Variants in ME2 observed in about 807,000 individuals in gnomAD.
The protein encoded by ME2 is malic enzyme 2, also known as NAD-dependent malic enzyme, mitochondrial.
In ME2, 60 loss-of-function variants were observed where a neutral mutation model predicts 73.7. The observed-to-expected ratio is 0.81, with a 90% CI of 0.66 to 1.01. The LOEUF is 1.01. Among genes scored for constraint, ME2 ranks in the 50% least tolerant of loss-of-function variants. ME2 has a pLI of 0.00. For synonymous variants in ME2, 199 were observed against 236.9 expected (o/e 0.84, Z 1.47); for missense variants, 594 against 705.5 (o/e 0.84, Z 1.79).
intron 2 of ME2, among the ~76,000 whole-genome samples, chr18:50,898,366 A>G (rs1302704576): frequency 6.6e-6 from 1 of 152,234 alleles, no homozygotes; most frequent in Admixed American, 6.5e-5. Flanking sequence ...AGTGTTGTGC[A>G]ACCATCACCA....
chr18:50,912,798 C>A lies in ME2; in HGVS notation c.243-3C>A. The A allele has an allele frequency of 1.3e-6, 2 of 1,563,558 alleles. No individual in the cohort carries two copies. Among genetic ancestry groups the A allele is most frequent in the African/African-American group, 1.4e-5 (1 of 73,344 alleles). On this transcript the variant is annotated splice_polypyrimidine_tract_variant and splice_region_variant and intron_variant, in intron 3 of 15. Coordinates refer to ENST00000321341, the MANE Select transcript of ME2 (RefSeq NM_002396.5). The stretch of plus-strand genomic sequence containing the variant: ...AGACATTATTTACTGTGCTTCATTT[C>A]AGATATATCTACATAATGGGAATAC...
At chr18:50,895,975 G>C (rs755743305) in intron 2 of ME2, 47 bp downstream of exon 2, 4 of 1,303,672 alleles carry the variant, frequency 3.1e-6, no homozygotes, top group Non-Finnish European at 4.4e-6. Context: ...TCTTATTAAA[G>C]TTTGATATAT....
intron 15 of ME2, among the ~76,000 whole-genome samples, chr18:50,942,985 A>G (rs1271921366): frequency 6.6e-6 from 1 of 151,910 alleles, no homozygotes; most frequent in African/African-American, 2.4e-5. Context: ...TTTTCAATTT[A>G]GAGACAGAGT....
intron 1 of ME2, among the ~76,000 whole-genome samples, chr18:50,882,225 T>A (rs866056675): frequency 6.6e-6 from 1 of 152,114 alleles, no homozygotes; most frequent in Non-Finnish European, 1.5e-5. Context: ...CCTGGAACTC[T>A]TGAGCTCAAG....
chr18:50,886,445 T>C (rs532036819), intron 1 of ME2, among the ~76,000 whole-genome samples: 19 of 152,128 alleles, frequency 1.2e-4, no homozygotes, highest in African/African-American at 4.1e-4. Context: ...GGTTTCACCA[T>C]GTTGGCTAGG....
At chr18:50,926,818 T>C (rs995271126) in intron 12 of ME2, among the ~76,000 whole-genome samples, 1 of 152,240 alleles carries the variant, frequency 6.6e-6, no homozygotes, top group Non-Finnish European at 1.5e-5. Context: ...TTTTTTCATT[T>C]GTAGAATTTG....
At chr18:50,882,863 C>T (rs991901745) in intron 1 of ME2, among the ~76,000 whole-genome samples, 2 of 152,042 alleles carry the variant, frequency 1.3e-5, no homozygotes, top group Admixed American at 6.6e-5. Context: ...GCAGGAGAAT[C>T]GCTTGAACCT....
At chr18:50,920,821 A>C in intron 9 of ME2, 63 bp downstream of exon 9, 3 of 1,268,762 alleles carry the variant, frequency 2.4e-6, no homozygotes, top group East Asian at 4.7e-5. Flanking sequence ...GAAAATGGGC[A>C]GAATATTGAT....
intron 4 of ME2, 159 bp downstream of exon 4, chr18:50,913,109 A>G: frequency 3.9e-6 from 2 of 515,322 alleles, no homozygotes; most frequent in Non-Finnish European, 6.6e-6. Flanking sequence ...CAAAATCCCA[A>G]CATATTCATA....
rs967123103 is a variant in ME2, at chr18:50,892,958, T to C, written c.-12-2851T>C. 1.3e-5 allele frequency among the ~76,000 whole-genome samples: 2 copies of C among 151,850 alleles called. 1 individual carries two copies. Among genetic ancestry groups the C allele is most frequent in the Non-Finnish European group, 2.9e-5 (2 of 67,958 alleles). ...GGCCAACATGGTGAAACCCTGTCTC[T>C]ACTAAAGATACAAAAAATCAGCTGG... On this transcript the variant is annotated intron_variant, in intron 1 of 15. Transcript: ENST00000321341.
At chr18:50,919,807 T>C (rs115754751) in intron 7 of ME2, among the ~76,000 whole-genome samples, 1,574 of 152,148 alleles carry the variant, frequency 0.01, 38 homozygotes, top group African/African-American at 0.036. Context: ...CCCTCTTCTC[T>C]AATTTAGCAT....
intron 1 of ME2, among the ~76,000 whole-genome samples, chr18:50,882,965 CAAAA>C (rs973622536): frequency 4.6e-5 from 7 of 151,812 alleles, no homozygotes; most frequent in Admixed American, 4.6e-4. Flanking sequence ...AAAAAACAAA[CAAAA>C]AAACTACTGC....
At chr18:50,888,816 C>G (rs1236130961) in intron 1 of ME2, among the ~76,000 whole-genome samples, 1 of 152,112 alleles carries the variant, frequency 6.6e-6, no homozygotes, top group Non-Finnish European at 1.5e-5. Context: ...CTTCCTGATT[C>G]TGTCACAGAG....
intron 13 of ME2, chr18:50,934,519 A>G (rs958193120): frequency 6.6e-6 from 1 of 151,966 alleles, no homozygotes; most frequent in Non-Finnish European, 1.5e-5. Flanking sequence ...GTAGTGGTGC[A>G]CACCCCTATT....
intron 2 of ME2, among the ~76,000 whole-genome samples, chr18:50,903,226 T>C (rs926360110): frequency 6.6e-6 from 1 of 152,216 alleles, no homozygotes; most frequent in Non-Finnish European, 1.5e-5. Flanking sequence ...TTTAAACTAA[T>C]GTCATCATCA....
rs1212917358 is a variant in ME2 at position 50,948,904 on chromosome 18, T to G, written c.*1720T>G. 7.0e-6 allele frequency: 1 copy of G among 143,580 alleles called. No individual in the cohort carries two copies. The highest frequency in any genetic ancestry group is 1.5e-5 in the Non-Finnish European group (1 of 66,436). The allele number at this position is 143,580 out of a possible 1,614,324, so 8.9% of individuals were successfully genotyped here. On this transcript the variant is annotated 3_prime_UTR_variant, in exon 16 of 16. Transcript: ENST00000321341. ...TTTTGTCGCCCAGTCTGGAGTGTAG[T>G]GGCATGATCTCTGCAACCTCTGCCT...
chr18:50,936,840 A>G (rs370945344), intron 13 of ME2, among the ~76,000 whole-genome samples: 1 of 152,134 alleles, frequency 6.6e-6, no homozygotes, highest in African/African-American at 2.4e-5. Flanking sequence ...CCGAGGACAG[A>G]TGATCACTTG....
At chr18:50,912,304 G>T (rs16952689) in intron 3 of ME2, among the ~76,000 whole-genome samples, 3,028 of 152,246 alleles carry the variant, frequency 0.02, 96 homozygotes, top group African/African-American at 0.069. Context: ...TCTGCACTCT[G>T]TGTAGACCTT....
intron 15 of ME2, among the ~76,000 whole-genome samples, chr18:50,942,097 C>A (rs563334175): frequency 1.2e-4 from 19 of 152,026 alleles, no homozygotes; most frequent in Non-Finnish European, 2.1e-4. Flanking sequence ...AATATTAATG[C>A]CTTCTGTCAC....
Sources: gnomAD v4.1 joint callset for allele counts (sites outside exome capture counted in the v4.1 genomes callset) on GRCh38, gnomAD v4.1.1 for gene constraint, MANE v1.5 for transcripts, NCBI Gene and HGNC (gene_info 2026-07-23, HGNC 2026-07-21) for gene names.